Variants in ARMC8 observed in about 807,000 individuals in gnomAD.
ARMC8 encodes the protein armadillo repeat containing 8.
Under a neutral mutation model 99.3 loss-of-function variants are expected in ARMC8, and 20 were observed. That is an observed-to-expected ratio of 0.20 (90% confidence interval 0.14 to 0.29). The LOEUF (loss-of-function observed/expected upper bound fraction) is 0.29. ARMC8 is among the 10% of genes least tolerant of loss of function. ARMC8 has a pLI of 1.00. For synonymous variants in ARMC8, 263 were observed against 278.3 expected, an observed-to-expected ratio of 0.95 and a Z score of 0.55; for missense variants, 569 against 809.5, an observed-to-expected ratio of 0.70 and a Z score of 3.60.
chr3:138,212,332 G>A (rs1212022537), intron 2 of ARMC8, among the ~76,000 whole-genome samples: 14 of 141,808 alleles, frequency 9.9e-5, no homozygotes, highest in African/African-American at 1.3e-4. Context: ...TTTTTGAGAC[G>A]GAGTTTCACT....
intron 1 of ARMC8, among the ~76,000 whole-genome samples, chr3:138,200,604 T>C (rs1324283684): frequency 6.6e-6 from 1 of 152,094 alleles, no homozygotes; most frequent in Non-Finnish European, 1.5e-5. Context: ...TTGCTGTCAT[T>C]GTGACAGCCA....
chr3:138,269,969 A>G (rs2048636892), intron 15 of ARMC8, 71 bp from the exon 16 acceptor site: 2 of 976,716 alleles, frequency 2.0e-6, no homozygotes, highest in South Asian at 1.4e-5. Flanking sequence ...CAAAGTGCCA[A>G]GGTATATGCA....
At chr3:138,227,717 G>C (rs2108103219) in intron 5 of ARMC8, among the ~76,000 whole-genome samples, 1 of 152,180 alleles carries the variant, frequency 6.6e-6, no homozygotes, top group African/African-American at 2.4e-5. Context: ...GTTGTCTCTG[G>C]TGAGGATCCT....
intron 12 of ARMC8, among the ~76,000 whole-genome samples, chr3:138,260,194 T>C (rs1040366716): frequency 2.0e-5 from 3 of 152,206 alleles, no homozygotes; most frequent in African/African-American, 4.8e-5. Flanking sequence ...CCTTCTCCTT[T>C]AGCACTCTAA....
intron 1 of ARMC8, among the ~76,000 whole-genome samples, chr3:138,190,264 ATTCT>A (rs1195066076): frequency 7.0e-6 from 1 of 142,308 alleles, no homozygotes; most frequent in Admixed American, 7.0e-5. Flanking sequence ...CAGAGTTGAG[ATTCT>A]TTATTTTCTT....
intron 2 of ARMC8, among the ~76,000 whole-genome samples, chr3:138,217,062 A>G (rs1267934740): frequency 6.6e-6 from 1 of 152,194 alleles, no homozygotes; most frequent in African/African-American, 2.4e-5. Context: ...TTTGCAGCCT[A>G]CAAGCAATAA....
At chr3:138,287,622 T>G in intron 19 of ARMC8, 1 of 456,656 alleles carries the variant, frequency 2.2e-6, no homozygotes, top group South Asian at 1.5e-5. Flanking sequence ...TTATTCTGTT[T>G]TGTCTTAAGG....
intron 1 of ARMC8, among the ~76,000 whole-genome samples, chr3:138,196,773 A>G (rs1261429479): frequency 6.6e-6 from 1 of 152,152 alleles, no homozygotes; most frequent in Non-Finnish European, 1.5e-5. Flanking sequence ...AGGCTGAGGC[A>G]GGAGAATTGC....
At chr3:138,255,655 T>C (rs959886162) in intron 12 of ARMC8, among the ~76,000 whole-genome samples, 1 of 152,294 alleles carries the variant, frequency 6.6e-6, no homozygotes, top group Admixed American at 6.5e-5. Flanking sequence ...TGATCTGTTC[T>C]AAGAGAAACT....
At chr3:138,272,210 A>T (rs1433055722) in intron 16 of ARMC8, among the ~76,000 whole-genome samples, 1 of 152,204 alleles carries the variant, frequency 6.6e-6, no homozygotes, top group East Asian at 1.9e-4. Context: ...TAGTATTGTG[A>T]ACACAAGAGA....
chr3:138,246,440 C>T (rs984490662), intron 12 of ARMC8: 1 of 985,264 alleles, frequency 1.0e-6, no homozygotes, highest in Non-Finnish European at 1.2e-6. Flanking sequence ...CGCCAATGTT[C>T]AGTTTGGGTA....
chr3:138,241,812 T>C lies in ARMC8; in HGVS notation c.867T>C (p.Ser289=). ...KTLPCLVRMC[S]KERLLEERVE... Reference sequence around the variant, plus strand: ...TACCTTGTTTGGTTCGAATGTGCAGTAAGGAGAGATTACTAGAGGAGAGAG... The same window carrying C: ...TACCTTGTTTGGTTCGAATGTGCAGCAAGGAGAGATTACTAGAGGAGAGAG... Residue 289 remains serine, a synonymous_variant, in exon 11 of 22, where the codon AGT becomes AGC. Transcript: ENST00000469044. 5.6e-6 allele frequency: 9 copies of C among 1,613,960 alleles called. No homozygotes were observed. Among genetic ancestry groups the C allele is most frequent in the Non-Finnish European group, 6.8e-6 (8 of 1,179,954 alleles).
intron 1 of ARMC8, among the ~76,000 whole-genome samples, chr3:138,190,029 A>T (rs981859519): frequency 2.0e-5 from 3 of 151,890 alleles, no homozygotes; most frequent in African/African-American, 7.3e-5. Context: ...AGTGTTTCTT[A>T]TATCTTTCTC....
At chr3:138,280,253 CAGTTTTTGGTTTCATTGCCAAAGA>C (rs1305148764) in intron 18 of ARMC8, among the ~76,000 whole-genome samples, 1 of 131,200 alleles carries the variant, frequency 7.6e-6, no homozygotes, top group Non-Finnish European at 1.8e-5. Flanking sequence ...AGCAAAGAAT[CAGTTTTTGGTTTCATTGCCAAAGA>C]ATCAGTTTTT....
intron 21 of ARMC8, among the ~76,000 whole-genome samples, chr3:138,294,633 A>G (rs2051296703): frequency 6.6e-6 from 1 of 152,192 alleles, no homozygotes; most frequent in Admixed American, 6.5e-5. Context: ...TGCATAGTCT[A>G]CTTGGTATTA....
chr3:138,269,826 T>C (rs1305866871), intron 15 of ARMC8, among the ~76,000 whole-genome samples: 1 of 150,722 alleles, frequency 6.6e-6, no homozygotes. Context: ...CTTTCTTTTT[T>C]TTTTTTTTTT....
Position 138,237,378 on chromosome 3 carries a change from G to A in ARMC8, c.679G>A (p.Val227Ile). The A allele has an allele frequency of 1.2e-6, 2 of 1,613,512 alleles. No homozygotes were observed. Among genetic ancestry groups the A allele is most frequent in the Non-Finnish European group, 1.7e-6 (2 of 1,179,690 alleles). Residue 227 changes from valine to isoleucine, a missense_variant, in exon 8 of 22, where the codon GTA becomes ATA. Transcript: ENST00000469044. ...AAACCCCCAGGTATCGATGACCCTGGTAAATGGTAGGCTGGAGCTTTCAGT... is the reference window on the plus strand; with the variant it reads ...AAACCCCCAGGTATCGATGACCCTGATAAATGGTAGGCTGGAGCTTTCAGT... Reference protein sequence around the residue: ...FENPQVSMTLVNVLVDGELLP... With the variant: ...FENPQVSMTLINVLVDGELLP...
Position 138,289,060 on chromosome 3 carries a change from G to A in ARMC8, c.1834G>A (p.Val612Ile), listed in dbSNP as rs758554986. ...KIKYYMGHSH[V>I]KLQLAAMFCI... ...TCTGTATTAATAGGGCCATTCACATGTTAAACTGCAGCTTGCAGCCATGTT... is the reference window on the plus strand; with the variant it reads ...TCTGTATTAATAGGGCCATTCACATATTAAACTGCAGCTTGCAGCCATGTT... The change falls in exon 20 of 22, where the codon GTT becomes ATT. Residue 612 changes from valine (V) to isoleucine (I), a missense_variant. Val to Ile is a conservative substitution (Grantham distance 29, BLOSUM62 3). Transcript: ENST00000469044. 1.9e-6 allele frequency: 3 copies of A among 1,612,770 alleles called. No homozygotes were observed. In the South Asian group the frequency reaches 3.3e-5, roughly 18 times the overall value.
intron 6 of ARMC8, 124 bp downstream of exon 6, chr3:138,229,134 G>GTATATATATATA (rs71146119): frequency 2.4e-4 from 19 of 78,588 alleles, no homozygotes; most frequent in South Asian, 5.5e-4. Flanking sequence ...GTGTGTGCGT[G>GTATATATATATA]TATATATATA....
Sources: gnomAD v4.1 joint callset for allele counts (sites outside exome capture counted in the v4.1 genomes callset) on GRCh38, gnomAD v4.1.1 for gene constraint, MANE v1.5 for transcripts, NCBI Gene and HGNC (gene_info 2026-07-23, HGNC 2026-07-21) for gene names.